Variants in DCTN1 observed in about 807,000 individuals in gnomAD.
DCTN1 encodes 150 kDa dynein-associated polypeptide.
Under a neutral mutation model 161.2 loss-of-function variants are expected in DCTN1, and 61 were observed. That is an observed-to-expected ratio of 0.38 (90% CI 0.31 to 0.47). DCTN1 has a LOEUF of 0.47. Ranked by LOEUF, DCTN1 falls within the 20% of genes least tolerant of loss-of-function variation. DCTN1 has a pLI of 0.99. For missense variants in DCTN1, 1,404 were observed against 1,623.7 expected (o/e 0.86, Z 2.33); for synonymous variants, 653 against 632.4 (o/e 1.03, Z -0.49).
rs1014350664 is a variant in DCTN1 at position 74,380,259 on chromosome 2, T to C, written c.-222A>G. ...GCAAGTCCCCTCTGCTGCCTGAGGA[T>C]TCCTGAACCCAGAGACACAGAATCC... On this transcript the variant is annotated 5_prime_UTR_variant, in exon 1 of 32. Coordinates refer to ENST00000628224, the MANE Select transcript of DCTN1 (RefSeq NM_004082.5). The C allele has an allele frequency of 6.3e-6, 4 of 630,780 alleles. No homozygotes were observed. The Admixed American group carries it at 9.3e-5, about 15-fold the overall frequency. The allele number at this position is 630,780 out of a possible 1,614,324, so 39.1% of individuals were successfully genotyped here. A position where few individuals can be genotyped will look rare whatever the true frequency, so the allele number is the denominator to read the frequency against.
At chr2:74,374,796 A>C (rs981271264) in intron 5 of DCTN1, 56 of 1,049,748 alleles carry the variant, frequency 5.3e-5, no homozygotes, top group Non-Finnish European at 6.4e-5. Flanking sequence ...CATGACAGTC[A>C]TGCGCAGAGC....
chr2:74,366,177 T>C (rs1350162396), intron 23 of DCTN1, 67 bp downstream of exon 23: 3 of 1,612,538 alleles, frequency 1.9e-6, no homozygotes, highest in African/African-American at 2.7e-5. Flanking sequence ...CTCCCACAAC[T>C]AGCAGTAGCT....
In DCTN1 at chr2:74,367,830, T is replaced by A; in HGVS notation, c.2050A>T (p.Lys684Ter). 6.2e-7 allele frequency: 1 copy of A among 1,614,154 alleles called. No homozygotes were observed. Among genetic ancestry groups the A allele is most frequent in the South Asian group, 1.1e-5 (1 of 91,084 alleles). The change falls in exon 18 of 32, where the codon AAA (lysine) becomes TAA (stop). Residue 684 changes from lysine to a stop codon, truncating the protein, a stop_gained. Transcript: ENST00000628224. LOFTEE classifies it high-confidence loss of function. ...ATCTCAGGGTACAGGCTGCCCACTT[T>A]CTTATACACATCCACACTGCACTGA... The part of the protein sequence containing the change: ...LSQCSVDVYK[K>*]VGSLYPEMSA...
chr2:74,376,802 TG>T (rs775048844), intron 4 of DCTN1, 40 bp from the exon 5 acceptor site: 2 of 1,588,238 alleles, frequency 1.3e-6, no homozygotes, highest in Non-Finnish European at 1.7e-6. Context: ...AGAGAACAGA[TG>T]TCCTGGGCAT....
chr2:74,389,452 A>G (rs1246170483), intron 1 of DCTN1, among the ~76,000 whole-genome samples: 6 of 152,176 alleles, frequency 3.9e-5, no homozygotes, highest in Non-Finnish European at 5.9e-5. Flanking sequence ...CTTTCAACCT[A>G]TAACTCCAAG....
chr2:74,375,871 C>T (rs756127186), intron 5 of DCTN1, among the ~76,000 whole-genome samples: 5 of 152,194 alleles, frequency 3.3e-5, no homozygotes, highest in Non-Finnish European at 5.9e-5. Flanking sequence ...CCTCTTCCCT[C>T]CCACAGCCCC....
upstream of DCTN1, among the ~76,000 whole-genome samples, chr2:74,384,283 C>CA (rs1180833008): frequency 6.6e-6 from 1 of 152,192 alleles, no homozygotes; most frequent in African/African-American, 2.4e-5. Context: ...TCTCAGAAGT[C>CA]AAATGACTTG....
intron 31 of DCTN1, among the ~76,000 whole-genome samples, 168 bp from the exon 32 acceptor site, chr2:74,361,804 A>G (rs1017356014): frequency 6.6e-6 from 1 of 152,200 alleles, no homozygotes; most frequent in African/African-American, 2.4e-5. Flanking sequence ...GGGATACATA[A>G]TCTGACAAGG....
chr2:74,362,523 C>T, intron 30 of DCTN1, 127 bp downstream of exon 30: 1 of 973,836 alleles, frequency 1.0e-6, no homozygotes, highest in East Asian at 2.6e-5. Flanking sequence ...GGCAAGAACC[C>T]TGCCTTCCCT....
rs768296656 is a variant in DCTN1 at position 74,377,463 on chromosome 2, C to T, written c.362G>A (p.Gly121Glu). Residue 121 changes from glycine (G) to glutamate (E), a missense_variant, in exon 4 of 32, where the codon GGA (glycine) becomes GAA (glutamate). Transcript: ENST00000628224. ...GCTAGTCTTTGCAGTTGTATCAGTT[C>T]CCTCTGTAGAAAGCAAACAGAAACA... Reference protein sequence around the residue: ...SSASKVLKREGTDTTAKTSKL... With the variant: ...SSASKVLKREETDTTAKTSKL... The T allele has an allele frequency of 7.4e-6, 12 of 1,613,384 alleles. No individual in the cohort carries two copies. In the Admixed American group the frequency reaches 2.0e-4, roughly 27 times the overall value.
At chr2:74,382,130 C>A (rs563311211), upstream of DCTN1, among the ~76,000 whole-genome samples, 2 of 152,244 alleles carry the variant, frequency 1.3e-5, no homozygotes, top group Non-Finnish European at 2.9e-5. Flanking sequence ...GTAGGCCACA[C>A]TGCCTTAAAA....
At chr2:74,376,937 G>A (rs530470561) in intron 4 of DCTN1, among the ~76,000 whole-genome samples, 175 bp from the exon 5 acceptor site, 1 of 152,306 alleles carries the variant, frequency 6.6e-6, no homozygotes, top group African/African-American at 2.4e-5. Flanking sequence ...AGAAGCTGCA[G>A]AGTCTGCAGC....
At chr2:74,371,995 A>G (rs1261086668) in intron 7 of DCTN1, 1 of 465,594 alleles carries the variant, frequency 2.1e-6, no homozygotes. Flanking sequence ...ACATAAGATT[A>G]TAAGGCTCCT....
rs774010113 is a variant in DCTN1, at chr2:74,378,248, G to A, written c.34-3C>T. ...CTCATCCTGCTGCCGCTGGGCGTCTGAAAGACACAGGTAAACACAGACAGT... is the reference window on the plus strand; with the variant it reads ...CTCATCCTGCTGCCGCTGGGCGTCTAAAAGACACAGGTAAACACAGACAGT... On this transcript the variant is annotated splice_polypyrimidine_tract_variant and splice_region_variant and intron_variant, in intron 1 of 31. Transcript: ENST00000628224. 16 of 1,605,622 alleles carry A rather than the reference G, an allele frequency of 1.0e-5. No individual in the cohort carries two copies. Among genetic ancestry groups the A allele is most frequent in the African/African-American group, 1.3e-5 (1 of 74,932 alleles).
chr2:74,376,852 C>T (rs1035088689), intron 4 of DCTN1, 90 bp from the exon 5 acceptor site: 22 of 1,220,220 alleles, frequency 1.8e-5, no homozygotes, highest in South Asian at 6.5e-5. Flanking sequence ...AGGTTAGACG[C>T]GGGTAGGGGG....
In DCTN1 at chr2:74,370,900, CTCCAGCTCCAGTCTAGTT is replaced by C; in HGVS notation, c.843+61_844-76del. ...GGCCTTTCTCACAGTATGTTCCAGG[CTCCAGCTCCAGTCTAGTT>C]TCCAGCATGCTTCCTTAGGTCTCAG... On this transcript the variant is annotated intron_variant, in intron 9 of 31. Coordinates refer to ENST00000628224, the MANE Select transcript of DCTN1 (RefSeq NM_004082.5). This position sits in a 1 kb window ranked among gnomAD's most constrained non-coding sequence, Gnocchi z 4.4. 6.2e-7 allele frequency: 1 copy of C among 1,613,376 alleles called. No individual in the cohort carries two copies. The highest frequency in any genetic ancestry group is 8.5e-7 in the Non-Finnish European group (1 of 1,179,842).
intron 25 of DCTN1, 112 bp from the exon 26 acceptor site, chr2:74,365,353 C>G: frequency 6.4e-7 from 1 of 1,559,746 alleles, no homozygotes; most frequent in East Asian, 2.3e-5. Flanking sequence ...CAGGGCAGAG[C>G]AGCACAGGCT....
chr2:74,388,429 T>A (rs1046577766), intron 1 of DCTN1, among the ~76,000 whole-genome samples: 2 of 152,218 alleles, frequency 1.3e-5, no homozygotes, highest in African/African-American at 4.8e-5. Context: ...TCCGGTCGCA[T>A]CAATCACCAA....
intron 2 of DCTN1, 102 bp from the exon 3 acceptor site, chr2:74,377,828 T>A: frequency 1.4e-6 from 2 of 1,453,318 alleles, no homozygotes. Context: ...AAACCAAGAG[T>A]ACAGGGCAGC....
Sources: gnomAD v4.1 joint callset for allele counts (sites outside exome capture counted in the v4.1 genomes callset) on GRCh38, gnomAD v4.1.1 for gene constraint, Gnocchi (gnomAD v3.1) non-coding constraint, MANE v1.5 for transcripts, NCBI Gene and HGNC (gene_info 2026-07-23, HGNC 2026-07-21) for gene names.